Variants in ATP8B2 observed in about 807,000 individuals in gnomAD.
ATP8B2 encodes the protein phospholipid-transporting ATPase ID.
Under a neutral mutation model 133.4 loss-of-function variants are expected in ATP8B2, and 70 were observed. The observed-to-expected ratio is 0.52, with a 90% CI of 0.43 to 0.64. ATP8B2 has a LOEUF of 0.64. Ranked by LOEUF, ATP8B2 falls within the 30% of genes least tolerant of loss-of-function variation. The pLI is 0.00. For synonymous variants in ATP8B2, 517 were observed against 589.5 expected (o/e 0.88, Z 1.78); for missense variants, 1,101 against 1,535.7 (o/e 0.72, Z 4.73).
chr1:154,332,176 C>T, intron 8 of ATP8B2, 152 bp downstream of exon 8: 2 of 741,790 alleles, frequency 2.7e-6, no homozygotes, highest in South Asian at 3.4e-5. Flanking sequence ...AAGTGTTATT[C>T]AACCAGTATT....
At position 154,331,037 on chromosome 1, in the gene ATP8B2, C is replaced by CT. The variant is rs751318678; in HGVS notation, c.205-4dup. 1.2e-6 allele frequency: 2 copies of CT among 1,612,478 alleles called. No individual in the cohort carries two copies. Among genetic ancestry groups the CT allele is most frequent in the African/African-American group, 1.3e-5 (1 of 74,852 alleles). ...GGGCCTCAGAGGCATACTTCTCTTT[C>CT]TTTTTTTCAGTTGATCCCCCAGATC... On this transcript the variant is annotated splice_polypyrimidine_tract_variant and intron_variant, in intron 4 of 27. Coordinates refer to ENST00000368489, the MANE Select transcript of ATP8B2 (RefSeq NM_001370597.1). This position sits in a 1 kb window ranked among gnomAD's most constrained non-coding sequence, Gnocchi z 4.8.
At chr1:154,332,764 A>C in intron 9 of ATP8B2, 67 bp downstream of exon 9, 1 of 1,227,152 alleles carries the variant, frequency 8.1e-7, no homozygotes. Flanking sequence ...GGGGGCGTTA[A>C]ATTATACATT....
chr1:154,348,337 G>A, intron 26 of ATP8B2, 71 bp from the exon 27 acceptor site: 2 of 1,514,302 alleles, frequency 1.3e-6, no homozygotes, highest in Non-Finnish European at 1.8e-6. Flanking sequence ...GGGAAGTGGA[G>A]CTGCCAGAAA....
intron 1 of ATP8B2, chr1:154,327,717 A>G: frequency 7.1e-7 from 1 of 1,401,654 alleles, no homozygotes; most frequent in South Asian, 1.2e-5. Context: ...CCTCCACCCC[A>G]CCCTTTGGGG....
In ATP8B2 at chr1:154,328,496, C is replaced by T. The variant is rs1685866999; in HGVS notation, c.31+324C>T. On this transcript the variant is annotated intron_variant, in intron 2 of 27. Coordinates refer to ENST00000368489, the MANE Select transcript of ATP8B2 (RefSeq NM_001370597.1). This position sits in a 1 kb window ranked among gnomAD's most constrained non-coding sequence, Gnocchi z 4.6. ...TGGTCCTCTCACCCCTTCCCTGCTC[C>T]CCTCGTTTTTCCATCTACCGGTTCT... 6.6e-6 allele frequency among the ~76,000 whole-genome samples: 1 copy of T among 152,200 alleles called. No homozygotes were observed. Among genetic ancestry groups the T allele is most frequent in the African/African-American group, 2.4e-5 (1 of 41,452 alleles).
At position 154,349,279 on chromosome 1, in the gene ATP8B2, TC is replaced by T; in HGVS notation, c.*164del. 9.9e-7 allele frequency: 1 copy of T among 1,008,114 alleles called. No individual in the cohort carries two copies. The highest frequency in any genetic ancestry group is 1.4e-6 in the Non-Finnish European group (1 of 703,020). The allele number at this position is 1,008,114 out of a possible 1,614,324, so 62.4% of individuals were successfully genotyped here. On this transcript the variant is annotated 3_prime_UTR_variant, in exon 28 of 28. Transcript: ENST00000368489. ...CACCACACATGGCTGGGACATCTGT[TC>T]CCAGCTGTAGGCCCTTCCACCAGCT...
intron 27 of ATP8B2, 53 bp from the exon 28 acceptor site, chr1:154,348,787 G>A (rs986306542): frequency 1.3e-6 from 2 of 1,508,928 alleles, no homozygotes; most frequent in South Asian, 1.3e-5. Context: ...TCTCCTTGGC[G>A]ATATCTGACA....
chr1:154,328,737 G>A lies in ATP8B2; in HGVS notation c.31+565G>A. 9.5e-6 allele frequency: 9 copies of A among 947,382 alleles called. No homozygotes were observed. Among genetic ancestry groups the A allele is most frequent in the African/African-American group, 1.8e-5 (1 of 56,594 alleles). 58.7% of individuals were successfully genotyped at this position (947,382 alleles called of 1,614,324 possible). A position where few individuals can be genotyped will look rare whatever the true frequency, so the allele number is the denominator to read the frequency against. ...CCTGGGCGTGCTCGGCGTGTCCGGG[G>A]CCACTCAGCGCACGCTGGCATCCGC... On this transcript the variant is annotated intron_variant, in intron 2 of 27. Coordinates refer to ENST00000368489, the MANE Select transcript of ATP8B2 (RefSeq NM_001370597.1). The surrounding 1 kb of genome is among the most constrained non-coding windows in gnomAD (Gnocchi z 4.6).
intron 14 of ATP8B2, 108 bp downstream of exon 14, chr1:154,342,631 G>A: frequency 1.4e-6 from 2 of 1,457,626 alleles, no homozygotes; most frequent in African/African-American, 1.4e-5. Context: ...GAAGCTGCTT[G>A]GAGAAATGGG....
In ATP8B2 at chr1:154,343,855, C is replaced by A; in HGVS notation, c.1759-38C>A. ...GCCCTCACGCTGTCCATTAGCTCTCCAGACTTACCCAGGTGTGCCTTTCCA... is the reference window on the plus strand; with the variant it reads ...GCCCTCACGCTGTCCATTAGCTCTCAAGACTTACCCAGGTGTGCCTTTCCA... On this transcript the variant is annotated intron_variant, in intron 17 of 27. Transcript: ENST00000368489. The surrounding 1 kb of genome is among the most constrained non-coding windows in gnomAD (Gnocchi z 5.8). 1 of 1,573,178 alleles carries A rather than the reference C, an allele frequency of 6.4e-7. No individual in the cohort carries two copies. The highest frequency in any genetic ancestry group is 1.2e-5 in the South Asian group (1 of 85,452).
chr1:154,348,549 A>G lies in ATP8B2; in HGVS notation c.3294+11A>G, dbSNP rs747223710. The G allele has an allele frequency of 1.2e-5, 19 of 1,612,660 alleles. No homozygotes were observed. Among genetic ancestry groups the G allele is most frequent in the Non-Finnish European group, 1.4e-5 (17 of 1,179,350 alleles). On this transcript the variant is annotated intron_variant, in intron 27 of 27. Transcript: ENST00000368489. The stretch of plus-strand genomic sequence containing the variant: ...GATCTCTCCGACACGGTGAGAAGCC[A>G]GGCTACCTGCTGTGGGAGGCAGAGA...
chr1:154,336,772 G>A (rs1488873268), intron 11 of ATP8B2, among the ~76,000 whole-genome samples: 1 of 148,658 alleles, frequency 6.7e-6, no homozygotes, highest in Non-Finnish European at 1.5e-5. Flanking sequence ...TGGGATTATA[G>A]GTGTGAGTCA....
Position 154,345,445 on chromosome 1 carries a change from A to G in ATP8B2, c.2594A>G (p.Tyr865Cys), listed in dbSNP as rs1286454355. ...RLLLVHGRWS[Y>C]LRMCKFLCYF... ...CTGCTGGTGCATGGGCGCTGGTCCTACCTGCGAATGTGCAAGTTTCTTTGC... is the reference window on the plus strand; with the variant it reads ...CTGCTGGTGCATGGGCGCTGGTCCTGCCTGCGAATGTGCAAGTTTCTTTGC... The change falls in exon 23 of 28, where the codon TAC becomes TGC. Residue 865 changes from tyrosine (Y) to cysteine (C), a missense_variant. Transcript: ENST00000368489. The surrounding 1 kb of genome is among the most constrained non-coding windows in gnomAD (Gnocchi z 5.6). 1 of 1,614,174 alleles carries G rather than the reference A, an allele frequency of 6.2e-7. No individual in the cohort carries two copies. The highest frequency in any genetic ancestry group is 1.3e-5 in the African/African-American group (1 of 75,040).
In ATP8B2 at chr1:154,346,307, G is replaced by A. The variant is rs758519185; in HGVS notation, c.2855G>A (p.Arg952Gln). ...PGQLNLLFNK[R>Q]EFFICIAQGI... ...CAGCTGAACCTTCTCTTCAACAAGC[G>A]GGAGTTCTTCATCTGCATCGCCCAG... The change falls in exon 25 of 28, where the codon CGG (arginine) becomes CAG (glutamine). Residue 952 changes from arginine to glutamine, a missense_variant. Arg to Gln is a conservative substitution (Grantham distance 43, BLOSUM62 1). Coordinates refer to ENST00000368489, the MANE Select transcript of ATP8B2 (RefSeq NM_001370597.1). The surrounding 1 kb of genome is among the most constrained non-coding windows in gnomAD (Gnocchi z 4.5). The A allele has an allele frequency of 6.8e-6, 11 of 1,614,022 alleles. No homozygotes were observed. Among genetic ancestry groups the A allele is most frequent in the Middle Eastern group, 1.6e-4 (1 of 6,082 alleles).
Position 154,332,694 on chromosome 1 carries a change from G to A in ATP8B2, c.586G>A (p.Asp196Asn). The change falls in exon 9 of 28, where the codon GAC (aspartate) becomes AAC (asparagine). Residue 196 changes from aspartate (D) to asparagine (N), a missense_variant. Asp to Asn is a conservative substitution (Grantham distance 23). Coordinates refer to ENST00000368489, the MANE Select transcript of ATP8B2 (RefSeq NM_001370597.1). The stretch of plus-strand genomic sequence containing the variant: ...AGACATCAGTAAGCTTGCCAAGTTT[G>A]ACGGTGAGTAATTTTGGAGGAGCAG... ...LGDISKLAKF[D>N]GEVICEPPNN... 1.3e-6 allele frequency: 2 copies of A among 1,572,266 alleles called. No individual in the cohort carries two copies. Among genetic ancestry groups the A allele is most frequent in the Non-Finnish European group, 1.7e-6 (2 of 1,156,932 alleles).
rs1435450341 is a variant in ATP8B2 at position 154,331,285 on chromosome 1, A to T, written c.303+139A>T. 8.8e-7 allele frequency: 1 copy of T among 1,133,204 alleles called. No individual in the cohort carries two copies. The highest frequency in any genetic ancestry group is 1.4e-5 in the South Asian group (1 of 71,268). The allele number at this position is 1,133,204 out of a possible 1,614,324, so 70.2% of individuals were successfully genotyped here. A position where few individuals can be genotyped will look rare whatever the true frequency, so the allele number is the denominator to read the frequency against. ...CTTACCCGGTCCAGCTAGATCCATG[A>T]TGTCTTTTTGCTGAGCGTGGGGAGA... On this transcript the variant is annotated intron_variant, in intron 5 of 27. Transcript: ENST00000368489. This position sits in a 1 kb window ranked among gnomAD's most constrained non-coding sequence, Gnocchi z 4.8.
intron 2 of ATP8B2, 67 bp from the exon 3 acceptor site, chr1:154,330,329 C>T: frequency 7.1e-7 from 1 of 1,410,178 alleles, no homozygotes; most frequent in Non-Finnish European, 9.9e-7. Context: ...AAACAGGGAA[C>T]CCCCCAGCAA....
rs749426753 is a variant in ATP8B2, at chr1:154,345,839, G to C, written c.2734G>C (p.Val912Leu). The stretch of plus-strand genomic sequence containing the variant: ...GTATTTCATCACCCTGTATAACATC[G>C]TGTACACCTCCCTGCCAGTCCTGGC... ...DQYFITLYNIVYTSLPVLAMG... is the reference protein window; with the variant it reads ...DQYFITLYNILYTSLPVLAMG... Residue 912 changes from valine (V) to leucine (L), a missense_variant, in exon 24 of 28, where the codon GTG becomes CTG. Coordinates refer to ENST00000368489, the MANE Select transcript of ATP8B2 (RefSeq NM_001370597.1). The surrounding 1 kb of genome is among the most constrained non-coding windows in gnomAD (Gnocchi z 5.6). The C allele has an allele frequency of 3.7e-6, 6 of 1,613,792 alleles. No individual in the cohort carries two copies. Among genetic ancestry groups the C allele is most frequent in the Non-Finnish European group, 1.7e-6 (2 of 1,179,720 alleles).
Position 154,343,371 on chromosome 1 carries a change from G to T in ATP8B2, c.1642+70G>T. The T allele has an allele frequency of 6.2e-7, 1 of 1,603,540 alleles. No homozygotes were observed. The highest frequency in any genetic ancestry group is 8.5e-7 in the Non-Finnish European group (1 of 1,172,548). Reference sequence around the variant, plus strand: ...AGGCCTGGAATGGGTGAAGTGTGCCGGGTGACTCTTGATGTGTTTATGTTG... The same window carrying T: ...AGGCCTGGAATGGGTGAAGTGTGCCTGGTGACTCTTGATGTGTTTATGTTG... On this transcript the variant is annotated intron_variant, in intron 16 of 27. Coordinates refer to ENST00000368489, the MANE Select transcript of ATP8B2 (RefSeq NM_001370597.1). This position sits in a 1 kb window ranked among gnomAD's most constrained non-coding sequence, Gnocchi z 5.8.
Sources: gnomAD v4.1 joint callset for allele counts (sites outside exome capture counted in the v4.1 genomes callset) on GRCh38, gnomAD v4.1.1 for gene constraint, Gnocchi (gnomAD v3.1) non-coding constraint, MANE v1.5 for transcripts, NCBI Gene and HGNC (gene_info 2026-07-23, HGNC 2026-07-21) for gene names.